Variants in VPS50 observed in about 807,000 individuals in gnomAD.
VPS50 encodes VPS50 subunit of EARP/GARPII complex.
A neutral mutation model predicts 139.7 loss-of-function variants in VPS50; 70 were observed. The observed-to-expected ratio is 0.50, with a 90% CI of 0.41 to 0.61. VPS50 has a LOEUF of 0.61. Ranked by LOEUF, VPS50 falls within the 20% of genes least tolerant of loss-of-function variation. The pLI is 0.00. For missense variants in VPS50, 921 were observed against 1,133.7 expected, an observed-to-expected ratio of 0.81 and a Z score of 2.69; for synonymous variants, 365 against 376.7, an observed-to-expected ratio of 0.97 and a Z score of 0.36.
At chr7:93,239,732 A>G (rs1794922403) in intron 1 of VPS50, 134 bp from the exon 2 acceptor site, 1 of 540,230 alleles carries the variant, frequency 1.9e-6, no homozygotes, top group Non-Finnish European at 3.4e-6. Context: ...TTGCTTTTAG[A>G]ATATATCTTC....
intron 21 of VPS50, among the ~76,000 whole-genome samples, chr7:93,328,975 A>T (rs1797861942): frequency 6.6e-6 from 1 of 152,222 alleles, no homozygotes; most frequent in Non-Finnish European, 1.5e-5. Context: ...GACAGTTTAT[A>T]GTTAAAGCCC....
chr7:93,281,602 T>A (rs1042047449), intron 12 of VPS50, among the ~76,000 whole-genome samples: 16 of 152,200 alleles, frequency 1.1e-4, no homozygotes, highest in African/African-American at 3.9e-4. Flanking sequence ...TTCCGACTTC[T>A]TAAACTGGTA....
In VPS50 at chr7:93,323,701, C is replaced by CA; in HGVS notation, c.1948dup (p.Ile650AsnfsTer9). ...CAACTATTTGATTATTACTTGTATG[C>CA]AATATATACCTTTTTTGGTCGGAAT... On this transcript the variant is annotated frameshift_variant, in exon 21 of 28. Transcript: ENST00000305866. LOFTEE classifies it high-confidence loss of function. 1.4e-6 allele frequency: 2 copies of CA among 1,416,418 alleles called. No individual in the cohort carries two copies. The highest frequency in any genetic ancestry group is 1.9e-6 in the Non-Finnish European group (2 of 1,054,864). The allele number at this position is 1,416,418 out of a possible 1,614,324, so 87.7% of individuals were successfully genotyped here.
chr7:93,282,629 G>T (rs557895958), intron 12 of VPS50, among the ~76,000 whole-genome samples: 1 of 152,308 alleles, frequency 6.6e-6, no homozygotes, highest in South Asian at 2.1e-4. Flanking sequence ...GCCAGAGGTA[G>T]CATATCAAAA....
At chr7:93,241,039 A>G (rs896376076) in intron 2 of VPS50, among the ~76,000 whole-genome samples, 7 of 152,312 alleles carry the variant, frequency 4.6e-5, no homozygotes, top group Admixed American at 3.9e-4. Context: ...CATAAATCCT[A>G]ATTAATTGAC....
At position 93,334,161 on chromosome 7, in the gene VPS50, A is replaced by G. The variant is rs539303670; in HGVS notation, c.2022A>G (p.Thr674=). ...GCCTTAGTAGTAGTAGACTAAGAACAACTCTAAACAGAATACAAGAAAGCC... is the reference window on the plus strand; with the variant it reads ...GCCTTAGTAGTAGTAGACTAAGAACGACTCTAAACAGAATACAAGAAAGCC... ...GLGLSSSRLR[T]TLNRIQESLI... The change falls in exon 22 of 28, where the codon ACA becomes ACG. Residue 674 remains threonine, a synonymous_variant. Coordinates refer to ENST00000305866, the MANE Select transcript of VPS50 (RefSeq NM_017667.4). 7.5e-6 allele frequency: 12 copies of G among 1,597,202 alleles called. No homozygotes were observed. The South Asian group carries it at 9.0e-5, about 12-fold the overall frequency.
chr7:93,356,843 T>C (rs1425560343), intron 27 of VPS50, among the ~76,000 whole-genome samples: 1 of 152,140 alleles, frequency 6.6e-6, no homozygotes, highest in East Asian at 1.9e-4. Context: ...TTTATTTCAT[T>C]TGGGTAAGAA....
At chr7:93,252,240 G>A (rs1260622673) in intron 2 of VPS50, among the ~76,000 whole-genome samples, 2 of 152,126 alleles carry the variant, frequency 1.3e-5, no homozygotes, top group Non-Finnish European at 2.9e-5. Flanking sequence ...AAAGTTGATT[G>A]TGACCCAGAA....
chr7:93,252,964 T>G (rs961857954), intron 3 of VPS50, among the ~76,000 whole-genome samples, 189 bp downstream of exon 3: 2 of 152,208 alleles, frequency 1.3e-5, no homozygotes, highest in African/African-American at 2.4e-5. Context: ...GAATGTAACT[T>G]TAAATACAAC....
chr7:93,335,021 A>C (rs939237218), intron 22 of VPS50, among the ~76,000 whole-genome samples: 2 of 152,112 alleles, frequency 1.3e-5, no homozygotes, highest in Non-Finnish European at 1.5e-5. Context: ...TCTGTTATTG[A>C]AGCTTTTTAT....
At chr7:93,269,311 C>A (rs1374994361) in intron 9 of VPS50, among the ~76,000 whole-genome samples, 5 of 152,128 alleles carry the variant, frequency 3.3e-5, no homozygotes, top group African/African-American at 1.2e-4. Flanking sequence ...GTCCTACCTG[C>A]AAGTATTCCC....
chr7:93,245,474 CAA>C (rs1177109042), intron 2 of VPS50, among the ~76,000 whole-genome samples: 1 of 151,212 alleles, frequency 6.6e-6, no homozygotes, highest in African/African-American at 2.4e-5. Flanking sequence ...AAAAGAAAAA[CAA>C]AATTAAGATG....
chr7:93,246,931 C>G (rs1328361916), intron 2 of VPS50, among the ~76,000 whole-genome samples: 1 of 151,790 alleles, frequency 6.6e-6, no homozygotes, highest in East Asian at 1.9e-4. Flanking sequence ...TCCCCAATTC[C>G]CATAATACCT....
intron 22 of VPS50, among the ~76,000 whole-genome samples, chr7:93,338,019 T>G (rs1284738431): frequency 6.6e-6 from 1 of 152,200 alleles, no homozygotes; most frequent in East Asian, 1.9e-4. Context: ...AAGTAAGTCA[T>G]TTCTTCTACC....
intron 19 of VPS50, among the ~76,000 whole-genome samples, chr7:93,310,004 A>G (rs1421399678): frequency 6.6e-6 from 1 of 152,020 alleles, no homozygotes; most frequent in African/African-American, 2.4e-5. Flanking sequence ...AATTGAAAAA[A>G]TTTGTTCTAT....
chr7:93,255,278 A>G (rs1795453249), intron 4 of VPS50, among the ~76,000 whole-genome samples: 1 of 152,244 alleles, frequency 6.6e-6, no homozygotes, highest in Non-Finnish European at 1.5e-5. Flanking sequence ...AGACAGTGAC[A>G]GATCATCAGG....
rs1182176441 is a variant in VPS50 at position 93,360,177 on chromosome 7, T to A, written c.*1741T>A. ...ATTTTTCTCTTCTACATGGATTTTATAGTTGGTTTCCTTTAATTTCTACTT... is the reference window on the plus strand; with the variant it reads ...ATTTTTCTCTTCTACATGGATTTTAAAGTTGGTTTCCTTTAATTTCTACTT... On this transcript the variant is annotated 3_prime_UTR_variant, in exon 28 of 28. Transcript: ENST00000305866. 1 of 152,162 alleles carries A rather than the reference T, an allele frequency of 6.6e-6. No homozygotes were observed. Among genetic ancestry groups the A allele is most frequent in the African/African-American group, 2.4e-5 (1 of 41,454 alleles). The allele number at this position is 152,162 out of a possible 1,614,324, so 9.4% of individuals were successfully genotyped here. A position where few individuals can be genotyped will look rare whatever the true frequency, so the allele number is the denominator to read the frequency against.
intron 27 of VPS50, among the ~76,000 whole-genome samples, chr7:93,357,706 T>C (rs1406677205): frequency 6.6e-6 from 1 of 152,192 alleles, no homozygotes; most frequent in East Asian, 1.9e-4. Flanking sequence ...TGCAGAAATT[T>C]CTGATGAATC....
At chr7:93,329,109 CA>C (rs1430565078) in intron 21 of VPS50, among the ~76,000 whole-genome samples, 1 of 152,012 alleles carries the variant, frequency 6.6e-6, no homozygotes, top group East Asian at 1.9e-4. Flanking sequence ...GACACAGCAC[CA>C]AATCAATCTA....
Sources: gnomAD v4.1 joint callset for allele counts (sites outside exome capture counted in the v4.1 genomes callset) on GRCh38, gnomAD v4.1.1 for gene constraint, MANE v1.5 for transcripts, NCBI Gene and HGNC (gene_info 2026-07-23, HGNC 2026-07-21) for gene names.